The following PCDHGC3 variants were observed in gnomAD, a reference collection of about 807,000 sequenced individuals.
PCDHGC3 encodes the protein protocadherin gamma subfamily C, 3.
In PCDHGC3, 26 loss-of-function variants were observed where a neutral mutation model predicts 59.2. The observed-to-expected ratio is 0.44, with a 90% confidence interval of 0.32 to 0.61. The LOEUF (loss-of-function observed/expected upper bound fraction) is 0.61, where lower values mean the gene tolerates loss of function less well. Among genes scored for constraint, PCDHGC3 ranks in the 20% least tolerant of loss-of-function variants. The pLI is 0.05. For synonymous variants in PCDHGC3, 487 were observed against 519.7 expected, an observed-to-expected ratio of 0.94 and a Z score of 0.86; for missense variants, 1,080 against 1,221.8, an observed-to-expected ratio of 0.88 and a Z score of 1.73.
In PCDHGC3 at chr5:141,491,729, C is replaced by T. The variant is rs766649819; in HGVS notation, c.2431-3078C>T. On this transcript the variant is annotated intron_variant, in intron 1 of 3. Coordinates refer to ENST00000308177, the MANE Select transcript of PCDHGC3 (RefSeq NM_002588.4). This position sits in a 1 kb window ranked among gnomAD's most constrained non-coding sequence, Gnocchi z 6.9. ...AGGGGCTCGGCGCCGCCCCGGGCGA[C>T]CCCTGGGGGCGGCACTGGAGAAGCC... 6.1e-5 allele frequency: 98 copies of T among 1,603,832 alleles called. No homozygotes were observed. Among genetic ancestry groups the T allele is most frequent in the Non-Finnish European group, 7.9e-5 (93 of 1,175,848 alleles).
chr5:141,482,859 G>A (rs1371172226), intron 1 of PCDHGC3, among the ~76,000 whole-genome samples: 3 of 148,230 alleles, frequency 2.0e-5, no homozygotes, highest in Admixed American at 6.7e-5. Flanking sequence ...ATCACTTGAG[G>A]TCAGGAGTTT....
rs138616951 is a variant in PCDHGC3, at chr5:141,490,312, C to T, written c.2431-4495C>T. On this transcript the variant is annotated intron_variant, in intron 1 of 3. Transcript: ENST00000308177. The surrounding 1 kb of genome is among the most constrained non-coding windows in gnomAD (Gnocchi z 5.4). ...GGTGCTATTGGCCTCTTTGGCCAAC[C>T]CTGTCCTAGAGAGCACACCAGTGGG... 67 of 1,614,050 alleles carry T rather than the reference C, an allele frequency of 4.2e-5. No individual in the cohort carries two copies. The highest frequency in any genetic ancestry group is 5.3e-5 in the Non-Finnish European group (63 of 1,180,008).
chr5:141,496,251 G>A (rs746722054), intron 2 of PCDHGC3, among the ~76,000 whole-genome samples: 7 of 152,150 alleles, frequency 4.6e-5, no homozygotes, highest in African/African-American at 7.2e-5. Context: ...TGAAGGGGAG[G>A]GAAACTTCAG....
chr5:141,492,575 C>T (rs1213639439), intron 1 of PCDHGC3, among the ~76,000 whole-genome samples: 1 of 152,218 alleles, frequency 6.6e-6, no homozygotes, highest in South Asian at 2.1e-4. Flanking sequence ...GAGCGAGGCG[C>T]GGGGCCAGGA....
rs1248714579 is a variant in PCDHGC3 at position 141,489,513 on chromosome 5, C to A, written c.2431-5294C>A. The A allele has an allele frequency of 6.2e-7, 1 of 1,614,000 alleles. No homozygotes were observed. Among genetic ancestry groups the A allele is most frequent in the African/African-American group, 1.3e-5 (1 of 74,918 alleles). ...CCCTGGCAGTGAATCAAAAGATTGACCGAGAAAGCCTATGTGGAGCCAGCA... is the reference window on the plus strand; with the variant it reads ...CCCTGGCAGTGAATCAAAAGATTGAACGAGAAAGCCTATGTGGAGCCAGCA... On this transcript the variant is annotated intron_variant, in intron 1 of 3. Coordinates refer to ENST00000308177, the MANE Select transcript of PCDHGC3 (RefSeq NM_002588.4). The surrounding 1 kb of genome is among the most constrained non-coding windows in gnomAD (Gnocchi z 4.5).
chr5:141,511,581 T>C lies in PCDHGC3; in HGVS notation c.*408T>C, dbSNP rs2099883862. ...TCTTTCCCGAGTAAGGTGGTTGGGG[T>C]GTTGAAGTACCAAGTAACCTACAAG... On this transcript the variant is annotated 3_prime_UTR_variant, in exon 4 of 4. Transcript: ENST00000308177. 1 of 281,638 alleles carries C rather than the reference T, an allele frequency of 3.6e-6. No homozygotes were observed. The highest frequency in any genetic ancestry group is 2.2e-5 in the African/African-American group (1 of 46,302). 17.4% of individuals were successfully genotyped at this position (281,638 alleles called of 1,614,324 possible). A position where few individuals can be genotyped will look rare whatever the true frequency, so the allele number is the denominator to read the frequency against.
In PCDHGC3 at chr5:141,483,413, G is replaced by A. The variant is rs112015754; in HGVS notation, c.2430+4867G>A. 5.9e-4 allele frequency among the ~76,000 whole-genome samples: 90 copies of A among 152,300 alleles called. 1 individual carries two copies. Among genetic ancestry groups the A allele is most frequent in the African/African-American group, 1.7e-3 (69 of 41,584 alleles). ...AAATGCTTGAACCAGCACAGTGGCA[G>A]TACAGATGGAGGGAGCTGACTACAA... On this transcript the variant is annotated intron_variant, in intron 1 of 3. Transcript: ENST00000308177.
At position 141,477,023 on chromosome 5, in the gene PCDHGC3, A is replaced by T. The variant is rs763926460; in HGVS notation, c.907A>T (p.Met303Leu). ...ATTCGCCTTAGACCTTGTAACCGGG[A>T]TGCTGACAATCAAGGGTCGGCTGGA... is the stretch of plus-strand genomic sequence containing the variant. ...QLFALDLVTG[M>L]LTIKGRLDFE... is the part of the protein sequence containing the mutation. The change falls in exon 1 of 4, where the codon ATG becomes TTG. Residue 303 changes from methionine to leucine, a missense_variant. Transcript: ENST00000308177. The surrounding 1 kb of genome is among the most constrained non-coding windows in gnomAD (Gnocchi z 4.9). 6.2e-7 allele frequency: 1 copy of T among 1,614,240 alleles called. No homozygotes were observed. The highest frequency in any genetic ancestry group is 8.5e-7 in the Non-Finnish European group (1 of 1,180,040).
At position 141,486,931 on chromosome 5, in the gene PCDHGC3, T is replaced by C. The variant is rs201042803; in HGVS notation, c.2431-7876T>C. 2 of 1,614,258 alleles carry C rather than the reference T, an allele frequency of 1.2e-6. No homozygotes were observed. Among genetic ancestry groups the C allele is most frequent in the East Asian group, 2.2e-5 (1 of 44,876 alleles). ...AAGCACTGCCTCCATCAGTTGGTGC[T>C]GGCCACCTAATCACAAAGGTGACTG... On this transcript the variant is annotated intron_variant, in intron 1 of 3. Coordinates refer to ENST00000308177, the MANE Select transcript of PCDHGC3 (RefSeq NM_002588.4). This position sits in a 1 kb window ranked among gnomAD's most constrained non-coding sequence, Gnocchi z 5.0.
chr5:141,485,737 C>T lies in PCDHGC3; in HGVS notation c.2430+7191C>T. On this transcript the variant is annotated intron_variant, in intron 1 of 3. Coordinates refer to ENST00000308177, the MANE Select transcript of PCDHGC3 (RefSeq NM_002588.4). The surrounding 1 kb of genome is among the most constrained non-coding windows in gnomAD (Gnocchi z 5.7). ...TGGATGTGAAGAAGCGCAGCGACGGCAGCCTGGTCCCAGAGCTGCTCCTGG... is the reference window on the plus strand; with the variant it reads ...TGGATGTGAAGAAGCGCAGCGACGGTAGCCTGGTCCCAGAGCTGCTCCTGG... 6.2e-7 allele frequency: 1 copy of T among 1,614,222 alleles called. No individual in the cohort carries two copies. Among genetic ancestry groups the T allele is most frequent in the Non-Finnish European group, 8.5e-7 (1 of 1,180,036 alleles).
Position 141,485,411 on chromosome 5 carries a change from G to C in PCDHGC3, c.2430+6865G>C, listed in dbSNP as rs1412397411. On this transcript the variant is annotated intron_variant, in intron 1 of 3. Coordinates refer to ENST00000308177, the MANE Select transcript of PCDHGC3 (RefSeq NM_002588.4). This position sits in a 1 kb window ranked among gnomAD's most constrained non-coding sequence, Gnocchi z 5.7. The stretch of plus-strand genomic sequence containing the variant: ...CCAAAGACACTTCCGTGTGGATTTG[G>C]ACAGCGGAGCCCTGCTCATCAAGAA... The C allele has an allele frequency of 2.5e-6, 4 of 1,614,054 alleles. No homozygotes were observed. Among genetic ancestry groups the C allele is most frequent in the Non-Finnish European group, 3.4e-6 (4 of 1,180,044 alleles).
At chr5:141,494,682 C>G (rs1282135022) in intron 1 of PCDHGC3, 125 bp from the exon 2 acceptor site, 16 of 1,564,362 alleles carry the variant, frequency 1.0e-5, no homozygotes, top group African/African-American at 1.4e-5. Context: ...ACCCCTGCCC[C>G]CTCTTAGTCC....
intron 2 of PCDHGC3, 143 bp downstream of exon 2, chr5:141,495,008 G>A (rs2099758236): frequency 6.6e-7 from 1 of 1,521,900 alleles, no homozygotes; most frequent in Non-Finnish European, 8.8e-7. Context: ...TGGTGTGCGG[G>A]GGGCTGGCAC....
chr5:141,502,601 A>G (rs2099815205), intron 2 of PCDHGC3, among the ~76,000 whole-genome samples: 1 of 152,218 alleles, frequency 6.6e-6, no homozygotes, highest in Non-Finnish European at 1.5e-5. Flanking sequence ...ATATTTTAAA[A>G]TATTTGTGAA....
In PCDHGC3 at chr5:141,486,194, C is replaced by A. The variant is rs1248456800; in HGVS notation, c.2430+7648C>A. The A allele has an allele frequency of 6.2e-7, 1 of 1,614,196 alleles. No individual in the cohort carries two copies. Among genetic ancestry groups the A allele is most frequent in the Non-Finnish European group, 8.5e-7 (1 of 1,180,026 alleles). ...ACATTGCAGCCTTCGAGTGGATCTG[C>A]TGGACGTAAATGACAATGCCCCTTA... On this transcript the variant is annotated intron_variant, in intron 1 of 3. Transcript: ENST00000308177. The surrounding 1 kb of genome is among the most constrained non-coding windows in gnomAD (Gnocchi z 5.0).
Position 141,487,413 on chromosome 5 carries a change from A to G in PCDHGC3, c.2431-7394A>G, listed in dbSNP as rs1562119204. The G allele has an allele frequency of 1.2e-6, 2 of 1,614,172 alleles. No homozygotes were observed. The highest frequency in any genetic ancestry group is 2.2e-5 in the East Asian group (1 of 44,862). ...AGGAGGGAGGGGCTTCCCCCTTCCA[A>G]TGGGATCCTCCGAATCCAGCTAGGG... On this transcript the variant is annotated intron_variant, in intron 1 of 3. Coordinates refer to ENST00000308177, the MANE Select transcript of PCDHGC3 (RefSeq NM_002588.4). This position sits in a 1 kb window ranked among gnomAD's most constrained non-coding sequence, Gnocchi z 5.0.
chr5:141,505,249 G>T, intron 2 of PCDHGC3, 144 bp from the exon 3 acceptor site: 1 of 1,447,748 alleles, frequency 6.9e-7, no homozygotes, highest in Non-Finnish European at 9.2e-7. Flanking sequence ...GATTGTAGAA[G>T]TGCCTCCTAC....
rs764843194 is a variant in PCDHGC3 at position 141,490,530 on chromosome 5, T to A, written c.2431-4277T>A. 1.2e-6 allele frequency: 2 copies of A among 1,613,794 alleles called. No individual in the cohort carries two copies. Among genetic ancestry groups the A allele is most frequent in the African/African-American group, 2.7e-5 (2 of 74,846 alleles). ...TCGAGCTGCTGGCCAGCGATGCTGG[T>A]TCACCTTCCCTACACAAACATCTCA... On this transcript the variant is annotated intron_variant, in intron 1 of 3. Coordinates refer to ENST00000308177, the MANE Select transcript of PCDHGC3 (RefSeq NM_002588.4). This position sits in a 1 kb window ranked among gnomAD's most constrained non-coding sequence, Gnocchi z 5.4.
rs749347013 is a variant in PCDHGC3, at chr5:141,476,739, C to G, written c.623C>G (p.Pro208Arg). 6.2e-7 allele frequency: 1 copy of G among 1,614,068 alleles called. No individual in the cohort carries two copies. Among genetic ancestry groups the G allele is most frequent in the South Asian group, 1.1e-5 (1 of 91,088 alleles). The change falls in exon 1 of 4, where the codon CCT becomes CGT. Residue 208 changes from proline (P) to arginine (R), a missense_variant. Physicochemically the swap from Pro to Arg is moderately radical, Grantham distance 103 (BLOSUM62 -2). Transcript: ENST00000308177. The surrounding 1 kb of genome is among the most constrained non-coding windows in gnomAD (Gnocchi z 7.6). Reference sequence around the variant, plus strand: ...CGCGCCCTGGACCGAGAACGGGAGCCTAGTCTCCAGTTAGTGCTGACGGCG... The same window carrying G: ...CGCGCCCTGGACCGAGAACGGGAGCGTAGTCTCCAGTTAGTGCTGACGGCG... ...LERALDRERE[P>R]SLQLVLTALD...
Sources: gnomAD v4.1 joint callset for allele counts (sites outside exome capture counted in the v4.1 genomes callset) on GRCh38, gnomAD v4.1.1 for gene constraint, Gnocchi (gnomAD v3.1) non-coding constraint, MANE v1.5 for transcripts, NCBI Gene and HGNC (gene_info 2026-07-23, HGNC 2026-07-21) for gene names.